LEMD3: variants seen among roughly 807,000 people sequenced by gnomAD.
LEMD3 encodes inner nuclear membrane protein Man1.
LEMD3 carries 33 observed loss-of-function variants against 95.2 expected under a neutral mutation model. The ratio of observed to expected loss-of-function variants is 0.35; its 90% CI spans 0.26 to 0.46. The LOEUF (loss-of-function observed/expected upper bound fraction) is 0.46, where lower values mean the gene tolerates loss of function less well. Ranked by LOEUF, LEMD3 falls within the 20% of genes least tolerant of loss-of-function variation. LEMD3 has a pLI of 1.00. For missense variants in LEMD3, 1,210 were observed against 1,192.8 expected (o/e 1.01, Z -0.21); for synonymous variants, 525 against 474.6 (o/e 1.11, Z -1.38).
At chr12:65,210,715 G>A (rs1263919415) in intron 1 of LEMD3, among the ~76,000 whole-genome samples, 1 of 152,170 alleles carries the variant, frequency 6.6e-6, no homozygotes, top group African/African-American at 2.4e-5. Context: ...CTCAATGATT[G>A]TGAGGAAAAC....
At chr12:65,210,821 A>C (rs1008503600) in intron 1 of LEMD3, 105 bp from the exon 2 acceptor site, 16 of 869,820 alleles carry the variant, frequency 1.8e-5, no homozygotes, top group Non-Finnish European at 3.2e-5. Context: ...TCACATATTT[A>C]TATCCAGTTT....
At chr12:65,209,363 A>G (rs1488326267) in intron 1 of LEMD3, among the ~76,000 whole-genome samples, 1 of 152,110 alleles carries the variant, frequency 6.6e-6, no homozygotes, top group Non-Finnish European at 1.5e-5. Context: ...CTGCACACTT[A>G]TATTTTTAAG....
At chr12:65,198,624 C>T (rs1869503043) in intron 1 of LEMD3, among the ~76,000 whole-genome samples, 1 of 152,034 alleles carries the variant, frequency 6.6e-6, no homozygotes, top group Non-Finnish European at 1.5e-5. Flanking sequence ...AGAACCCCCA[C>T]AGATACTAAA....
chr12:65,215,908 TG>T, intron 2 of LEMD3, 68 bp from the exon 3 acceptor site: 5 of 627,404 alleles, frequency 8.0e-6, no homozygotes, highest in African/African-American at 1.9e-5. Flanking sequence ...TTTTTTTTTT[TG>T]ATTAAGAATT....
chr12:65,170,637 T>A lies in LEMD3; in HGVS notation c.1041T>A (p.Asp347Glu). The change falls in exon 1 of 13, where the codon GAT becomes GAA. Residue 347 changes from aspartate (D) to glutamate (E), a missense_variant. By Grantham distance (45) the Asp-to-Glu change is conservative. This residue lies in a region of LEMD3 where 749 missense variants were observed against 622.9 expected (regional missense o/e 1.20). Coordinates refer to ENST00000308330, the MANE Select transcript of LEMD3 (RefSeq NM_014319.5). The stretch of plus-strand genomic sequence containing the variant: ...CCGCGGAGCAGGGAGGAGGGTGTGA[T>A]CAAGTGGACTCCAGCCCCGTTCCTA... ...AAAAEQGGGC[D>E]QVDSSPVPRY... 6.2e-7 allele frequency: 1 copy of A among 1,614,026 alleles called. No homozygotes were observed.
At chr12:65,176,615 G>C (rs1868727751) in intron 1 of LEMD3, among the ~76,000 whole-genome samples, 1 of 152,132 alleles carries the variant, frequency 6.6e-6, no homozygotes, top group African/African-American at 2.4e-5. Flanking sequence ...ATTTCTATAG[G>C]AGTAGAATAC....
intron 4 of LEMD3, among the ~76,000 whole-genome samples, chr12:65,220,660 G>A (rs1039208516): frequency 2.0e-5 from 3 of 152,080 alleles, no homozygotes; most frequent in Non-Finnish European, 4.4e-5. Context: ...ACGTCAAGAA[G>A]CTTTTCTTCT....
At chr12:65,231,028 T>C (rs1455259009) in intron 4 of LEMD3, among the ~76,000 whole-genome samples, 1 of 152,220 alleles carries the variant, frequency 6.6e-6, no homozygotes, top group Non-Finnish European at 1.5e-5. Flanking sequence ...TGAGTTATTT[T>C]ATGTTTCATA....
At chr12:65,191,065 G>T (rs1174841211) in intron 1 of LEMD3, among the ~76,000 whole-genome samples, 3 of 151,898 alleles carry the variant, frequency 2.0e-5, no homozygotes, top group South Asian at 2.1e-4. Context: ...TGTAATTCCT[G>T]TTCTGCTTGA....
chr12:65,194,806 TC>T (rs1869360528), intron 1 of LEMD3, among the ~76,000 whole-genome samples: 1 of 150,078 alleles, frequency 6.7e-6, no homozygotes, highest in African/African-American at 2.4e-5. Flanking sequence ...TAAACTATTA[TC>T]TTAATTATAC....
At chr12:65,174,297 G>C (rs1017668210) in intron 1 of LEMD3, among the ~76,000 whole-genome samples, 2 of 151,992 alleles carry the variant, frequency 1.3e-5, no homozygotes, top group Non-Finnish European at 2.9e-5. Flanking sequence ...GCTCTTTCCA[G>C]CTCCAAGATT....
intron 4 of LEMD3, among the ~76,000 whole-genome samples, chr12:65,221,666 G>T (rs1167482342): frequency 6.6e-6 from 1 of 150,766 alleles, no homozygotes; most frequent in Non-Finnish European, 1.5e-5. Context: ...AGGATGTCTA[G>T]TGCTATGAGA....
intron 9 of LEMD3, among the ~76,000 whole-genome samples, chr12:65,243,041 A>C (rs970158197): frequency 7.3e-5 from 11 of 151,648 alleles, no homozygotes; most frequent in African/African-American, 2.7e-4. Flanking sequence ...ACCTCTCTTC[A>C]CCCTGCTAAT....
At chr12:65,192,944 CT>C (rs1158455702) in intron 1 of LEMD3, among the ~76,000 whole-genome samples, 1 of 152,154 alleles carries the variant, frequency 6.6e-6, no homozygotes, top group Non-Finnish European at 1.5e-5. Context: ...TCCTTGTTAG[CT>C]ATTTTTACAG....
At chr12:65,215,895 G>GGT (rs1555194489) in intron 2 of LEMD3, 82 bp from the exon 3 acceptor site, 9 of 446,862 alleles carry the variant, frequency 2.0e-5, no homozygotes, top group Admixed American at 1.2e-4. Context: ...TAAATTTACT[G>GGT]TTTTTTTTTT....
rs183847600 is a variant in LEMD3, at chr12:65,202,611, C to G, written c.1523-8315C>G. Among the ~76,000 whole-genome samples, 34 of 152,254 alleles carry G rather than the reference C, an allele frequency of 2.2e-4. 1 individual carries two copies. Among genetic ancestry groups the G allele is most frequent in the African/African-American group, 8.2e-4 (34 of 41,566 alleles). ...TAATGCTGAACTCATATCTACTTCT[C>G]TCTCCTGAAAGATATTGTAGAGAAT... On this transcript the variant is annotated intron_variant, in intron 1 of 12. Transcript: ENST00000308330.
Position 65,243,487 on chromosome 12 carries a change from G to T in LEMD3, c.2387+18G>T. ...CCCGTTATGTAAGTATTATGATCAG[G>T]GGTACATGTAACTCTTATTCTGAAT... On this transcript the variant is annotated intron_variant, in intron 10 of 12. Transcript: ENST00000308330. 7.3e-7 allele frequency: 1 copy of T among 1,373,768 alleles called. No homozygotes were observed. The highest frequency in any genetic ancestry group is 1.0e-6 in the Non-Finnish European group (1 of 960,796). 85.1% of individuals were successfully genotyped at this position (1,373,768 alleles called of 1,614,324 possible). A position where few individuals can be genotyped will look rare whatever the true frequency, so the allele number is the denominator to read the frequency against.
rs1868448082 is a variant in LEMD3, at chr12:65,169,756, C to T, written c.160C>T (p.His54Tyr). Residue 54 changes from histidine (H) to tyrosine (Y), a missense_variant, in exon 1 of 13, where the codon CAC becomes TAC. Physicochemically the swap from His to Tyr is moderately conservative, Grantham distance 83. Coordinates refer to ENST00000308330, the MANE Select transcript of LEMD3 (RefSeq NM_014319.5). ...KKLREEEQQQ[H>Y]RSGGRGNKTR... is the part of the protein sequence containing the mutation. ...GCTTCGAGAGGAAGAGCAGCAACAG[C>T]ACCGGTCAGGGGGCCGCGGCAACAA... 6 of 1,591,940 alleles carry T rather than the reference C, an allele frequency of 3.8e-6. No individual in the cohort carries two copies. In the South Asian group the frequency reaches 6.8e-5, roughly 18 times the overall value.
Position 65,193,576 on chromosome 12 carries a change from G to T in LEMD3, c.1523-17350G>T, listed in dbSNP as rs142716409. Among the ~76,000 whole-genome samples the T allele has an allele frequency of 1.4e-4, 22 of 152,188 alleles. No individual in the cohort carries two copies. In the East Asian group the frequency reaches 2.3e-3, roughly 16 times the overall value. ...TGCATATGCTGGAGCCCACTCGCCC[G>T]ACTCCTGACATCTTATTGGAAAGCT... On this transcript the variant is annotated intron_variant, in intron 1 of 12. Transcript: ENST00000308330.
Sources: gnomAD v4.1 joint callset for allele counts (sites outside exome capture counted in the v4.1 genomes callset) on GRCh38, gnomAD v4.1.1 for gene constraint, gnomAD v4.1.1 regional missense constraint, MANE v1.5 for transcripts, NCBI Gene and HGNC (gene_info 2026-07-23, HGNC 2026-07-21) for gene names.